The following NEMP2 variants were observed in gnomAD, a reference collection of about 807,000 sequenced individuals.
NEMP2 encodes nuclear envelope integral membrane protein 2, also known as UPF0571 transmembrane protein.
NEMP2 carries 53 observed loss-of-function variants against 54.2 expected under a neutral mutation model. The observed-to-expected ratio is 0.98, with a 90% CI of 0.78 to 1.23. NEMP2 has a LOEUF of 1.23. Ranked by LOEUF, NEMP2 falls within the 50% of genes most tolerant of loss-of-function variation. The pLI, the probability that NEMP2 is intolerant of heterozygous loss-of-function variation, is 0.00. For synonymous variants in NEMP2, 197 were observed against 190.3 expected (o/e 1.04, Z -0.29); for missense variants, 455 against 511.3 (o/e 0.89, Z 1.06).
the NEMP2 span, among the ~76,000 whole-genome samples, chr2:190,540,530 A>G: frequency 1.3e-5 from 2 of 152,130 alleles, no homozygotes; most frequent in African/African-American, 2.4e-5. Context: ...TGCTCAAGCA[A>G]TCCTCCTGCC....
At chr2:190,574,330 G>A in the NEMP2 span, among the ~76,000 whole-genome samples, 1 of 152,046 alleles carries the variant, frequency 6.6e-6, no homozygotes, top group Non-Finnish European at 1.5e-5. Context: ...CCTGAAAGCA[G>A]TTAAGATATA....
the NEMP2 span, among the ~76,000 whole-genome samples, chr2:190,454,932 G>GTATGTATATGTATATGTA: frequency 0.018 from 2,431 of 132,872 alleles, 61 homozygotes; most frequent in East Asian, 0.047. This position sits in a 1 kb window ranked among gnomAD's most constrained non-coding sequence, Gnocchi z 4.6. Flanking sequence ...CCTGGTTTCT[G>GTATGTATATGTATATGTA]TATGTATATG....
chr2:190,464,554 C>T, the NEMP2 span, among the ~76,000 whole-genome samples: 1 of 152,146 alleles, frequency 6.6e-6, no homozygotes, highest in Non-Finnish European at 1.5e-5. Context: ...CCCTGTCTGG[C>T]CACAGATGCT....
chr2:190,562,336 G>A, the NEMP2 span, among the ~76,000 whole-genome samples: 3 of 152,190 alleles, frequency 2.0e-5, no homozygotes, highest in African/African-American at 7.2e-5. The surrounding 1 kb of genome is among the most constrained non-coding windows in gnomAD (Gnocchi z 5.0). Flanking sequence ...GATATGTACA[G>A]CAGCACCACG....
the NEMP2 span, among the ~76,000 whole-genome samples, chr2:190,578,466 C>A: frequency 2.0e-5 from 3 of 151,972 alleles, no homozygotes; most frequent in African/African-American, 7.3e-5. The surrounding 1 kb of genome is among the most constrained non-coding windows in gnomAD (Gnocchi z 4.4). Flanking sequence ...CATTCCCAGG[C>A]CCAGGGAGCA....
chr2:190,618,482 C>G, the NEMP2 span, among the ~76,000 whole-genome samples: 1 of 152,166 alleles, frequency 6.6e-6, no homozygotes, highest in Non-Finnish European at 1.5e-5. Context: ...CCTTCTGCTT[C>G]TCCCATCCCT....
the NEMP2 span, among the ~76,000 whole-genome samples, chr2:190,645,724 C>T: frequency 6.6e-6 from 1 of 152,188 alleles, no homozygotes; most frequent in African/African-American, 2.4e-5. Context: ...TGAAATGTAA[C>T]ATGAAATGTG....
the NEMP2 span, among the ~76,000 whole-genome samples, chr2:190,546,167 C>T: frequency 3.9e-5 from 6 of 152,128 alleles, no homozygotes; most frequent in African/African-American, 1.4e-4. This position sits in a 1 kb window ranked among gnomAD's most constrained non-coding sequence, Gnocchi z 5.1. Context: ...TCAGCCCCTC[C>T]ATATCTGTGT....
the NEMP2 span, among the ~76,000 whole-genome samples, chr2:190,455,118 C>A: frequency 6.6e-6 from 1 of 151,876 alleles, no homozygotes; most frequent in Non-Finnish European, 1.5e-5. Flanking sequence ...AGACTTTAGC[C>A]CAGGTTGTCT....
Position 190,510,706 on chromosome 2 carries a change from A to T in NEMP2, c.954-169T>A, listed in dbSNP as rs111681580. On this transcript the variant is annotated intron_variant, in intron 7 of 8. Transcript: ENST00000409150. This position sits in a 1 kb window ranked among gnomAD's most constrained non-coding sequence, Gnocchi z 5.7. ...ACGGTCCTGGCTAACAAGGTGAAAC[A>T]CTGTCTCTACTAAAAATATAAAAAA... Among the ~76,000 whole-genome samples, 1 of 151,936 alleles carries T rather than the reference A, an allele frequency of 6.6e-6. No homozygotes were observed. The highest frequency in any genetic ancestry group is 2.4e-5 in the African/African-American group (1 of 41,328).
chr2:190,500,284 C>T, downstream of NEMP2: 2 of 1,562,426 alleles, frequency 1.3e-6, no homozygotes, highest in Non-Finnish European at 1.8e-6. This position sits in a 1 kb window ranked among gnomAD's most constrained non-coding sequence, Gnocchi z 5.3. Context: ...AGGGTGAGGC[C>T]CCCCAGCCAG....
At chr2:190,517,483 T>C in intron 5 of NEMP2, 37 bp downstream of exon 5, 1 of 1,396,828 alleles carries the variant, frequency 7.2e-7, no homozygotes, top group Non-Finnish European at 9.8e-7. Flanking sequence ...AAGATCATGA[T>C]TTCCATTTTT....
At chr2:190,586,926 G>T in the NEMP2 span, among the ~76,000 whole-genome samples, 3 of 152,078 alleles carry the variant, frequency 2.0e-5, no homozygotes, top group African/African-American at 7.2e-5. The surrounding 1 kb of genome is among the most constrained non-coding windows in gnomAD (Gnocchi z 4.5). Flanking sequence ...AAATTTTCGG[G>T]TTCTTTCTCC....
chr2:190,452,956 C>A, the NEMP2 span, among the ~76,000 whole-genome samples: 270 of 152,210 alleles, frequency 1.8e-3, no homozygotes, highest in Non-Finnish European at 3.5e-3. Context: ...TGTGCTCATT[C>A]AATATTTCTT....
chr2:190,566,099 C>A, the NEMP2 span, among the ~76,000 whole-genome samples: 1 of 151,934 alleles, frequency 6.6e-6, no homozygotes, highest in Non-Finnish European at 1.5e-5. Flanking sequence ...GAGTCCCCAC[C>A]AGCAGCCATC....
chr2:190,570,941 C>T, the NEMP2 span, among the ~76,000 whole-genome samples: 27 of 152,066 alleles, frequency 1.8e-4, no homozygotes, highest in Admixed American at 1.8e-3. This position sits in a 1 kb window ranked among gnomAD's most constrained non-coding sequence, Gnocchi z 5.4. Flanking sequence ...TTAAGGAAGA[C>T]CAGTTAGCAA....
At chr2:190,435,548 CAG>C in the NEMP2 span, among the ~76,000 whole-genome samples, 1 of 152,322 alleles carries the variant, frequency 6.6e-6, no homozygotes, top group Non-Finnish European at 1.5e-5. Flanking sequence ...TCCTTAGAAA[CAG>C]AATGGTTTTG....
At chr2:190,647,174 G>A in the NEMP2 span, among the ~76,000 whole-genome samples, 5 of 152,086 alleles carry the variant, frequency 3.3e-5, no homozygotes, top group African/African-American at 9.7e-5. Context: ...AGAATTTCAG[G>A]AATTAAGCAG....
the NEMP2 span, chr2:190,610,839 T>C: frequency 3.9e-5 from 6 of 152,178 alleles, no homozygotes; most frequent in Admixed American, 3.9e-4. The surrounding 1 kb of genome is among the most constrained non-coding windows in gnomAD (Gnocchi z 5.4). Flanking sequence ...TTAGCAACAT[T>C]TTAAGCAAAA....
Sources: allele counts gnomAD v4.1 joint callset (sites outside exome capture counted in the v4.1 genomes callset), GRCh38; gene constraint gnomAD v4.1.1; non-coding constraint Gnocchi (gnomAD v3.1); transcripts MANE v1.5; gene names NCBI Gene and HGNC (gene_info 2026-07-23, HGNC 2026-07-21).